The following OXR1 variants were observed in gnomAD, a reference collection of about 807,000 sequenced individuals.
The protein encoded by OXR1 is oxidation resistance 1.
A neutral mutation model predicts 104.6 loss-of-function variants in OXR1; 41 were observed. That is an observed-to-expected ratio of 0.39 (90% CI 0.31 to 0.51). OXR1 has a LOEUF of 0.51. OXR1 is among the 20% of genes least tolerant of loss of function. The pLI, the probability that OXR1 is intolerant of heterozygous loss-of-function variation, is 0.77. For synonymous variants in OXR1, 348 were observed against 348.4 expected (o/e 1.00, Z 0.01); for missense variants, 955 against 1,031.9 (o/e 0.93, Z 1.02).
intron 1 of OXR1, among the ~76,000 whole-genome samples, chr8:106,275,356 G>T (rs1049297271): frequency 6.6e-6 from 1 of 152,198 alleles, no homozygotes; most frequent in Non-Finnish European, 1.5e-5. Context: ...GAATGGATGT[G>T]TGCCCTTTTG....
chr8:106,712,319 C>A (rs534846806), intron 10 of OXR1, among the ~76,000 whole-genome samples: 1 of 152,166 alleles, frequency 6.6e-6, no homozygotes, highest in East Asian at 1.9e-4. Context: ...GGACTTATTA[C>A]CCAGTCTTTA....
At chr8:106,704,510 G>A (rs1830947490) in intron 8 of OXR1, among the ~76,000 whole-genome samples, 2 of 139,160 alleles carry the variant, frequency 1.4e-5, no homozygotes, top group Admixed American at 1.6e-4. Context: ...CGGTTCTCCT[G>A]CCTTAGCCTT....
chr8:106,742,138 T>C, intron 14 of OXR1, 84 bp from the exon 15 acceptor site: 3 of 817,408 alleles, frequency 3.7e-6, no homozygotes, highest in Non-Finnish European at 4.1e-6. Context: ...TTTTTTGCAT[T>C]TTATTTAAAC....
chr8:106,733,217 T>G (rs1834057336), intron 11 of OXR1, among the ~76,000 whole-genome samples: 1 of 152,182 alleles, frequency 6.6e-6, no homozygotes, highest in Non-Finnish European at 1.5e-5. Flanking sequence ...GGTTTGTGTC[T>G]TTCAAGGAAT....
intron 2 of OXR1, among the ~76,000 whole-genome samples, chr8:106,364,768 C>A (rs1816395659): frequency 1.3e-5 from 2 of 152,020 alleles, no homozygotes; most frequent in African/African-American, 4.8e-5. Flanking sequence ...CTATATTGTT[C>A]TTTGGCACCT....
intron 1 of OXR1, among the ~76,000 whole-genome samples, chr8:106,302,912 C>T (rs1813306779): frequency 6.6e-6 from 1 of 151,490 alleles, no homozygotes; most frequent in South Asian, 2.1e-4. Context: ...CCACCAGGCC[C>T]GGCTAATTTT....
At chr8:106,339,221 C>T (rs1447196478) in intron 1 of OXR1, among the ~76,000 whole-genome samples, 5 of 151,690 alleles carry the variant, frequency 3.3e-5, no homozygotes, top group Admixed American at 6.6e-5. Flanking sequence ...ATTGGCTGGG[C>T]GTGGTGGCTC....
At chr8:106,293,145 G>A (rs745702670) in intron 1 of OXR1, among the ~76,000 whole-genome samples, 44 of 152,224 alleles carry the variant, frequency 2.9e-4, no homozygotes, top group Non-Finnish European at 4.1e-4. Flanking sequence ...AGAACTGGGC[G>A]ATCTACTTTA....
chr8:106,596,837 G>C (rs1267254938), intron 3 of OXR1, among the ~76,000 whole-genome samples: 1 of 152,118 alleles, frequency 6.6e-6, no homozygotes, highest in African/African-American at 2.4e-5. Flanking sequence ...GGTGGATCAT[G>C]AGGTCAGGAA....
At position 106,359,566 on chromosome 8, in the gene OXR1, A is replaced by G. The variant is rs1291766403; in HGVS notation, c.-48A>G. The G allele has an allele frequency of 2.0e-6, 3 of 1,503,798 alleles. No individual in the cohort carries two copies. Among genetic ancestry groups the G allele is most frequent in the South Asian group, 2.4e-5 (2 of 83,028 alleles). 93.2% of individuals were successfully genotyped at this position (1,503,798 alleles called of 1,614,324 possible). A position where few individuals can be genotyped will look rare whatever the true frequency, so the allele number is the denominator to read the frequency against. On this transcript the variant is annotated 5_prime_UTR_variant, in exon 2 of 17. Coordinates refer to ENST00000517566, the MANE Select transcript of OXR1 (RefSeq NM_001198533.2). ...AGCGGTGTTGTCGACTTGACCTGCTAATTTCCTGTTCTGGAATCGAGAGAA... is the reference window on the plus strand; with the variant it reads ...AGCGGTGTTGTCGACTTGACCTGCTGATTTCCTGTTCTGGAATCGAGAGAA...
At chr8:106,404,878 T>G (rs1367246133) in intron 2 of OXR1, among the ~76,000 whole-genome samples, 1 of 151,986 alleles carries the variant, frequency 6.6e-6, no homozygotes, top group Non-Finnish European at 1.5e-5. Flanking sequence ...GCTAATTTTT[T>G]GTATTTTTAG....
intron 2 of OXR1, among the ~76,000 whole-genome samples, chr8:106,393,783 AATG>A (rs1380916000): frequency 2.6e-5 from 4 of 152,038 alleles, no homozygotes; most frequent in Non-Finnish European, 4.4e-5. Flanking sequence ...ATAATTCTAT[AATG>A]ATCTTCATAT....
intron 2 of OXR1, among the ~76,000 whole-genome samples, chr8:106,461,819 T>TAATG (rs1820933473): frequency 6.6e-6 from 1 of 152,122 alleles, no homozygotes; most frequent in African/African-American, 2.4e-5. Context: ...CAAAGGAAAT[T>TAATG]ACTCATTAAT....
At chr8:106,324,464 G>A (rs1008481182) in intron 1 of OXR1, among the ~76,000 whole-genome samples, 1 of 150,884 alleles carries the variant, frequency 6.6e-6, no homozygotes, top group East Asian at 1.9e-4. Flanking sequence ...CCCCCTACAC[G>A]TGTTTACCTA....
rs78594833 is a variant in OXR1 at position 106,481,298 on chromosome 8, C to T, written c.24-37645C>T. Among the ~76,000 whole-genome samples, 1,325 of 151,960 alleles carry T rather than the reference C, an allele frequency of 8.7e-3. 16 individuals are homozygous for T. Among genetic ancestry groups the T allele is most frequent in the African/African-American group, 0.03 (1,242 of 41,494 alleles). ...ATGGTTTTCTGCTACCTACTTAATT[C>T]GGCATGTTAAATTTAAACAAATAAG... On this transcript the variant is annotated intron_variant, in intron 2 of 16. Transcript: ENST00000517566.
intron 2 of OXR1, among the ~76,000 whole-genome samples, chr8:106,513,863 TGAG>T (rs1812695215): frequency 6.6e-6 from 1 of 152,162 alleles, no homozygotes; most frequent in African/African-American, 2.4e-5. Context: ...GTTTTATAGA[TGAG>T]GAGAGTGAGT....
chr8:106,732,118 G>A (rs1220378835), intron 11 of OXR1, among the ~76,000 whole-genome samples: 1 of 151,894 alleles, frequency 6.6e-6, no homozygotes, highest in Non-Finnish European at 1.5e-5. Flanking sequence ...AGAATTATAT[G>A]TATTTCATTT....
At chr8:106,724,983 C>A (rs930657301) in intron 11 of OXR1, among the ~76,000 whole-genome samples, 1 of 152,132 alleles carries the variant, frequency 6.6e-6, no homozygotes, top group Admixed American at 6.5e-5. Flanking sequence ...CCACCACCAC[C>A]AAATTATATA....
intron 1 of OXR1, among the ~76,000 whole-genome samples, chr8:106,294,604 CAGAG>C (rs1233481446): frequency 2.0e-5 from 3 of 151,684 alleles, no homozygotes; most frequent in African/African-American, 4.8e-5. Flanking sequence ...AGGAGAGAGA[CAGAG>C]AGACAGAAAG....
Sources: allele counts gnomAD v4.1 joint callset (sites outside exome capture counted in the v4.1 genomes callset), GRCh38; gene constraint gnomAD v4.1.1; transcripts MANE v1.5; gene names NCBI Gene and HGNC (gene_info 2026-07-23, HGNC 2026-07-21).